Variants in PLEKHA7 observed in about 807,000 individuals in gnomAD.
The protein encoded by PLEKHA7 is pleckstrin homology domain-containing family A member 7.
Under a neutral mutation model 170.0 loss-of-function variants are expected in PLEKHA7, and 104 were observed. The ratio of observed to expected loss-of-function variants is 0.61; its 90% CI spans 0.52 to 0.72. The LOEUF (loss-of-function observed/expected upper bound fraction) is 0.72, where lower values mean the gene tolerates loss of function less well. Ranked by LOEUF, PLEKHA7 falls within the 30% of genes least tolerant of loss-of-function variation. The probability of loss-of-function intolerance (pLI) is 0.00; values close to 1 mark genes in which losing one functional copy is unlikely to be tolerated. For missense variants in PLEKHA7, 1,615 were observed against 1,671.7 expected, an observed-to-expected ratio of 0.97 and a Z score of 0.59; for synonymous variants, 648 against 660.8, an observed-to-expected ratio of 0.98 and a Z score of 0.30.
intron 3 of PLEKHA7, among the ~76,000 whole-genome samples, chr11:16,994,302 T>C (rs7934567): frequency 0.35 from 52,551 of 152,062 alleles, 9,337 homozygotes; most frequent in East Asian, 0.43. Flanking sequence ...GAGGGCTACC[T>C]GGAGTTGCAG....
chr11:16,986,328 G>A (rs1225146506), intron 3 of PLEKHA7, among the ~76,000 whole-genome samples: 1 of 152,214 alleles, frequency 6.6e-6, no homozygotes, highest in African/African-American at 2.4e-5. Flanking sequence ...AGGCACCAGA[G>A]AAAGGACTAA....
Position 16,791,292 on chromosome 11 carries a change from A to G in PLEKHA7, c.2746-93T>C, listed in dbSNP as rs1313460849. On this transcript the variant is annotated intron_variant, in intron 19 of 26. Coordinates refer to ENST00000531066, the MANE Select transcript of PLEKHA7 (RefSeq NM_001329630.2). This position sits in a 1 kb window ranked among gnomAD's most constrained non-coding sequence, Gnocchi z 4.5. ...CCACAGTGGAGGTTTAAAGGGTAGG[A>G]ACAGGCCACATCAGAGCCACAGAAC... The G allele has an allele frequency of 2.5e-6, 3 of 1,213,550 alleles. No individual in the cohort carries two copies. The highest frequency in any genetic ancestry group is 3.4e-6 in the Non-Finnish European group (3 of 875,988). The allele number at this position is 1,213,550 out of a possible 1,614,324, so 75.2% of individuals were successfully genotyped here.
chr11:16,826,610 T>G lies in PLEKHA7; in HGVS notation c.873-20A>C. On this transcript the variant is annotated intron_variant, in intron 9 of 26. Coordinates refer to ENST00000531066, the MANE Select transcript of PLEKHA7 (RefSeq NM_001329630.2). ...ATATCCCTGCAATGACAGCAGCACA[T>G]TCAGTTTGCTCCACAGCCAAGACTC... is the stretch of plus-strand genomic sequence containing the variant. 10 of 1,594,668 alleles carry G rather than the reference T, an allele frequency of 6.3e-6. No individual in the cohort carries two copies. The highest frequency in any genetic ancestry group is 8.6e-6 in the Non-Finnish European group (10 of 1,169,130).
At chr11:16,879,283 T>C (rs1281212277) in intron 3 of PLEKHA7, among the ~76,000 whole-genome samples, 2 of 152,114 alleles carry the variant, frequency 1.3e-5, no homozygotes, top group Non-Finnish European at 2.9e-5. Context: ...TCCTTACTTA[T>C]CTCCTACAGC....
At chr11:16,790,542 T>C (rs1847769017) in intron 21 of PLEKHA7, 2 of 488,048 alleles carry the variant, frequency 4.1e-6, no homozygotes, top group Non-Finnish European at 7.4e-6. Context: ...ATAAAGTGCT[T>C]AAACAGTGCC....
chr11:16,817,137 T>C lies in PLEKHA7; in HGVS notation c.1529A>G (p.Glu510Gly). 6.2e-7 allele frequency: 1 copy of C among 1,614,196 alleles called. No individual in the cohort carries two copies. The highest frequency in any genetic ancestry group is 8.5e-7 in the Non-Finnish European group (1 of 1,180,040). The change falls in exon 11 of 27, where the codon GAA (glutamate) becomes GGA (glycine). Residue 510 changes from glutamate to glycine, a missense_variant. By Grantham distance (98) the Glu-to-Gly change is moderately conservative. Transcript: ENST00000531066. This position sits in a 1 kb window ranked among gnomAD's most constrained non-coding sequence, Gnocchi z 4.4. ...DRASHLKMSS[E>G]ERRAHRDGTV... is the part of the protein sequence containing the mutation. ...GCCATCCCGGTGCGCCCGGCGCTCT[T>C]CACTCGACATCTTCAGGTGGCTGGC...
rs1853847194 is a variant in PLEKHA7, at chr11:16,860,381, TGGGA to T, written c.306-4471_306-4468del. 3.3e-5 allele frequency among the ~76,000 whole-genome samples: 5 copies of T among 152,160 alleles called. No individual in the cohort carries two copies. In the South Asian group the frequency reaches 1.0e-3, roughly 32 times the overall value. On this transcript the variant is annotated intron_variant, in intron 4 of 26. Transcript: ENST00000531066. ...GGTTTGGTCAATGAGATCTGGTTAA[TGGGA>T]GGCTCTCAATCAACGGTGTGAGCTG...
Position 16,816,169 on chromosome 11 carries a change from T to C in PLEKHA7, c.1953+9A>G. 1 of 1,604,290 alleles carries C rather than the reference T, an allele frequency of 6.2e-7. No individual in the cohort carries two copies. ...GGCTTTGCAGGCTATGTCTTGTCAT[T>C]CACCCTACCGATTTTCCATGTAAAC... is the stretch of plus-strand genomic sequence containing the variant. On this transcript the variant is annotated intron_variant, in intron 12 of 26. Coordinates refer to ENST00000531066, the MANE Select transcript of PLEKHA7 (RefSeq NM_001329630.2).
At chr11:16,886,010 AAAG>A (rs1482062244) in intron 3 of PLEKHA7, among the ~76,000 whole-genome samples, 4 of 151,792 alleles carry the variant, frequency 2.6e-5, no homozygotes, top group South Asian at 2.1e-4. Context: ...AAAAAAAAAA[AAAG>A]AAAGAAAGAA....
At chr11:16,970,435 G>A (rs1862638005) in intron 3 of PLEKHA7, among the ~76,000 whole-genome samples, 1 of 152,122 alleles carries the variant, frequency 6.6e-6, no homozygotes, top group Admixed American at 6.6e-5. Flanking sequence ...GAGGCAGGGA[G>A]AATTGCTTCA....
chr11:17,005,392 C>T (rs955371727), intron 3 of PLEKHA7, among the ~76,000 whole-genome samples: 1 of 152,072 alleles, frequency 6.6e-6, no homozygotes, highest in Non-Finnish European at 1.5e-5. Flanking sequence ...ATTAGCCAGG[C>T]GTGGTGGTGG....
At chr11:16,825,113 C>A (rs1850534343) in intron 10 of PLEKHA7, among the ~76,000 whole-genome samples, 1 of 152,244 alleles carries the variant, frequency 6.6e-6, no homozygotes, top group Non-Finnish European at 1.5e-5. Context: ...TGTGATTTAT[C>A]CACCATCCAC....
chr11:16,944,686 TTAGTAAGAC>T (rs1860912932), intron 3 of PLEKHA7, among the ~76,000 whole-genome samples: 1 of 152,178 alleles, frequency 6.6e-6, no homozygotes, highest in African/African-American at 2.4e-5. Flanking sequence ...AACAGACAGG[TTAGTAAGAC>T]TTGTTGAATT....
chr11:16,911,607 A>G (rs1335728085), intron 3 of PLEKHA7, among the ~76,000 whole-genome samples: 1 of 152,066 alleles, frequency 6.6e-6, no homozygotes, highest in African/African-American at 2.4e-5. Flanking sequence ...AGAGGTCTCT[A>G]CAACATTCAA....
chr11:16,907,402 C>T (rs531966458), intron 3 of PLEKHA7, among the ~76,000 whole-genome samples: 7 of 134,086 alleles, frequency 5.2e-5, no homozygotes, highest in South Asian at 2.5e-4. Flanking sequence ...GTCAGCCCCC[C>T]GCCCGGCCAG....
At chr11:16,857,708 A>ATTTGTTTGTTTGTTTG (rs112185316) in intron 4 of PLEKHA7, among the ~76,000 whole-genome samples, 1 of 151,972 alleles carries the variant, frequency 6.6e-6, no homozygotes, top group Admixed American at 6.6e-5. Context: ...ATTTGTTTGA[A>ATTTGTTTGTTTGTTTG]TTTGTTTGTT....
chr11:16,903,995 A>G (rs1473898197), intron 3 of PLEKHA7, among the ~76,000 whole-genome samples: 1 of 152,214 alleles, frequency 6.6e-6, no homozygotes, highest in African/African-American at 2.4e-5. Flanking sequence ...TTCCTGCTGT[A>G]CAATTCTGCA....
At chr11:16,864,836 G>C (rs1277621359) in intron 4 of PLEKHA7, among the ~76,000 whole-genome samples, 1 of 152,172 alleles carries the variant, frequency 6.6e-6, no homozygotes, top group Admixed American at 6.5e-5. Flanking sequence ...AGCAACATGA[G>C]AACAGACTAA....
chr11:16,882,491 C>A (rs1364612129), intron 3 of PLEKHA7, among the ~76,000 whole-genome samples: 1 of 152,198 alleles, frequency 6.6e-6, no homozygotes, highest in Non-Finnish European at 1.5e-5. Flanking sequence ...CCAAGCCCTA[C>A]AAAATACCGA....
Sources: allele counts gnomAD v4.1 joint callset (sites outside exome capture counted in the v4.1 genomes callset), GRCh38; gene constraint gnomAD v4.1.1; non-coding constraint Gnocchi (gnomAD v3.1); transcripts MANE v1.5; gene names NCBI Gene and HGNC (gene_info 2026-07-23, HGNC 2026-07-21).